PCDH15: variants seen among roughly 807,000 people sequenced by gnomAD.
PCDH15 encodes protocadherin-15.
In PCDH15, 129 loss-of-function variants were observed where a neutral mutation model predicts 178.5. The observed-to-expected ratio is 0.72, with a 90% CI of 0.63 to 0.84. The LOEUF (loss-of-function observed/expected upper bound fraction) is 0.84. PCDH15 is among the 40% of genes least tolerant of loss of function. The pLI is 0.00. For missense variants in PCDH15, 2,230 were observed against 2,099.9 expected (o/e 1.06, Z -1.21); for synonymous variants, 800 against 732.0 (o/e 1.09, Z -1.50).
At chr10:55,168,148 T>A (rs1457369531) in intron 1 of PCDH15, among the ~76,000 whole-genome samples, 1 of 152,164 alleles carries the variant, frequency 6.6e-6, no homozygotes, top group Non-Finnish European at 1.5e-5. Flanking sequence ...AATAGCAATA[T>A]GTAAAACATA....
chr10:55,624,506 A>G (rs1837481766), intron 2 of PCDH15, among the ~76,000 whole-genome samples: 1 of 152,186 alleles, frequency 6.6e-6, no homozygotes, highest in Non-Finnish European at 1.5e-5. Flanking sequence ...TTATTTAAAG[A>G]AAATAAGCAA....
intron 17 of PCDH15, among the ~76,000 whole-genome samples, chr10:54,069,109 T>A (rs1032427034): frequency 6.6e-6 from 1 of 152,202 alleles, no homozygotes; most frequent in Non-Finnish European, 1.5e-5. Flanking sequence ...AAAGAAGATG[T>A]GTTTTTTACA....
rs970411374 is a variant in PCDH15 at position 54,917,594 on chromosome 10, C to T, written c.-79-20094G>A. Among the ~76,000 whole-genome samples the T allele has an allele frequency of 4.6e-5, 7 of 152,196 alleles. No homozygotes were observed. The East Asian group carries it at 1.3e-3, about 29-fold the overall frequency. On this transcript the variant is annotated intron_variant, in intron 2 of 5. Coordinates refer to the PCDH15 transcript ENST00000458638. ...TATAGAGCATACAACTCAAGTGAAACAGCTTCTGGGAAGGCTAGAAACTAT... is the reference window on the plus strand; with the variant it reads ...TATAGAGCATACAACTCAAGTGAAATAGCTTCTGGGAAGGCTAGAAACTAT...
chr10:54,717,725 T>C lies in PCDH15; in HGVS notation c.-28-53435A>G, dbSNP rs2095498677. Among the ~76,000 whole-genome samples, 2 of 140,636 alleles carry C rather than the reference T, an allele frequency of 1.4e-5. 1 individual carries two copies. The highest frequency in any genetic ancestry group is 5.5e-5 in the African/African-American group (2 of 36,442). The allele number at this position is 140,636 out of a possible 152,430, so 92.3% of individuals were successfully genotyped here. A position where few individuals can be genotyped will look rare whatever the true frequency, so the allele number is the denominator to read the frequency against. On this transcript the variant is annotated intron_variant, in intron 1 of 37. Transcript: ENST00000644397. Reference sequence around the variant, plus strand: ...TGGCGATTCCTCAGGGATCTAGAACTGGAAATACCATTTGACCCAGCCATC... The same window carrying C: ...TGGCGATTCCTCAGGGATCTAGAACCGGAAATACCATTTGACCCAGCCATC...
chr10:55,299,810 T>C (rs932198768), intron 1 of PCDH15, among the ~76,000 whole-genome samples: 3 of 152,134 alleles, frequency 2.0e-5, no homozygotes, highest in African/African-American at 7.2e-5. Context: ...CAAGAAAGTT[T>C]TAGAGTTCTT....
At chr10:54,964,959 A>G (rs1253351927) in intron 2 of PCDH15, among the ~76,000 whole-genome samples, 1 of 152,170 alleles carries the variant, frequency 6.6e-6, no homozygotes, top group Non-Finnish European at 1.5e-5. Context: ...AACACATAGG[A>G]AAGGTTTTGT....
intron 2 of PCDH15, among the ~76,000 whole-genome samples, chr10:55,622,742 G>A (rs1277861881): frequency 6.6e-6 from 1 of 152,050 alleles, no homozygotes; most frequent in East Asian, 1.9e-4. Context: ...CTTTTAGTTG[G>A]CATAGCATAA....
chr10:55,586,085 T>C (rs750630949), intron 2 of PCDH15, among the ~76,000 whole-genome samples: 3 of 152,122 alleles, frequency 2.0e-5, no homozygotes, highest in Non-Finnish European at 4.4e-5. Flanking sequence ...AAATGTTCTC[T>C]ATTTTCTAAG....
At chr10:54,352,375 G>A (rs949524523) in intron 5 of PCDH15, among the ~76,000 whole-genome samples, 5 of 152,036 alleles carry the variant, frequency 3.3e-5, no homozygotes, top group Non-Finnish European at 7.4e-5. Context: ...ATTCAATTTG[G>A]AAACTTGCCC....
chr10:54,624,453 T>C (rs2093480137), intron 2 of PCDH15, among the ~76,000 whole-genome samples: 1 of 152,172 alleles, frequency 6.6e-6, no homozygotes, highest in Non-Finnish European at 1.5e-5. Context: ...TTGTTAAAAA[T>C]AGCAAGACAG....
chr10:55,613,017 A>ATTTTTTTTTTTTTTTTTTTTTTTTT (rs34403286), intron 2 of PCDH15, among the ~76,000 whole-genome samples: 1 of 82,388 alleles, frequency 1.2e-5, no homozygotes. Flanking sequence ...TACTAGCCAG[A>ATTTTTTTTTTTTTTTTTTTTTTTTT]TTTTTTTTTT....
intron 2 of PCDH15, among the ~76,000 whole-genome samples, chr10:55,395,119 G>C (rs1414875757): frequency 6.6e-6 from 1 of 151,468 alleles, no homozygotes; most frequent in Non-Finnish European, 1.5e-5. Context: ...ATTTGGTCAT[G>C]ACTTTGTTTT....
chr10:54,394,630 C>T (rs1950973173), intron 3 of PCDH15, among the ~76,000 whole-genome samples: 1 of 152,128 alleles, frequency 6.6e-6, no homozygotes, highest in Admixed American at 6.5e-5. Flanking sequence ...AAGTTTCGGG[C>T]ACCATTGTCA....
chr10:55,621,948 T>G (rs1308939384), intron 2 of PCDH15, among the ~76,000 whole-genome samples: 1 of 147,340 alleles, frequency 6.8e-6, no homozygotes, highest in African/African-American at 2.5e-5. Flanking sequence ...TTTTTAAAGA[T>G]CATTCATAGT....
At position 55,109,420 on chromosome 10, in the gene PCDH15, A is replaced by G. The variant is rs745943141; in HGVS notation, c.-80+57156T>C. Reference sequence around the variant, plus strand: ...TAATTCTAAATTAACATGAAGCATCATAAGTATGATTAGAAAGATTCCACA... The same window carrying G: ...TAATTCTAAATTAACATGAAGCATCGTAAGTATGATTAGAAAGATTCCACA... On this transcript the variant is annotated intron_variant, in intron 2 of 5. Coordinates refer to the PCDH15 transcript ENST00000458638. 8.5e-5 allele frequency among the ~76,000 whole-genome samples: 13 copies of G among 152,310 alleles called. 1 individual carries two copies. The South Asian group carries it at 1.4e-3, about 17-fold the overall frequency.
chr10:53,943,166 T>C (rs2134096861), intron 23 of PCDH15, among the ~76,000 whole-genome samples: 1 of 152,208 alleles, frequency 6.6e-6, no homozygotes, highest in Admixed American at 6.5e-5. Flanking sequence ...CGTCTGCAAC[T>C]TATGCACCTT....
chr10:54,486,638 T>A (rs905707595), intron 3 of PCDH15, among the ~76,000 whole-genome samples: 2 of 151,964 alleles, frequency 1.3e-5, no homozygotes, highest in Non-Finnish European at 2.9e-5. Context: ...TACACTGATT[T>A]TTTTTCCTTT....
At chr10:55,151,083 T>C (rs1276905322) in intron 2 of PCDH15, among the ~76,000 whole-genome samples, 2 of 152,090 alleles carry the variant, frequency 1.3e-5, no homozygotes, top group East Asian at 3.9e-4. Flanking sequence ...GATTCCATTG[T>C]GCCTTTCGTA....
intron 18 of PCDH15, among the ~76,000 whole-genome samples, chr10:54,025,083 T>C (rs1208922208): frequency 6.6e-6 from 1 of 152,184 alleles, no homozygotes; most frequent in Non-Finnish European, 1.5e-5. Flanking sequence ...ACCCATATAA[T>C]TGAATATTTA....
Sources: gnomAD v4.1 joint callset for allele counts (sites outside exome capture counted in the v4.1 genomes callset) on GRCh38, gnomAD v4.1.1 for gene constraint, MANE v1.5 for transcripts, NCBI Gene and HGNC (gene_info 2026-07-23, HGNC 2026-07-21) for gene names.